RGS7: variants seen among roughly 807,000 people sequenced by gnomAD.
The protein encoded by RGS7 is regulator of G protein signaling 7, also known as regulator of G-protein signaling 7.
RGS7 carries 27 observed loss-of-function variants against 81.1 expected under a neutral mutation model. The ratio of observed to expected loss-of-function variants is 0.33; its 90% CI spans 0.25 to 0.46. The LOEUF is 0.46. Ranked by LOEUF, RGS7 falls within the 20% of genes least tolerant of loss-of-function variation. RGS7 has a pLI of 1.00. For missense variants in RGS7, 396 were observed against 607.4 expected (o/e 0.65, Z 3.66); for synonymous variants, 208 against 207.7 (o/e 1.00, Z -0.01).
intron 2 of RGS7, among the ~76,000 whole-genome samples, chr1:241,185,941 A>C (rs1490089174): frequency 1.3e-5 from 2 of 152,148 alleles, no homozygotes; most frequent in Non-Finnish European, 2.9e-5. Flanking sequence ...TAAACCCAAA[A>C]CAAACAGAAG....
chr1:241,274,633 ATTAAG>A (rs1025029828), intron 2 of RGS7, among the ~76,000 whole-genome samples: 3 of 152,250 alleles, frequency 2.0e-5, no homozygotes, highest in Admixed American at 2.0e-4. Flanking sequence ...AAACACACAA[ATTAAG>A]TTAAAACAAA....
chr1:240,840,271 T>TTTCTG lies in RGS7; in HGVS notation c.610-13100_610-13099insCAGAA, dbSNP rs1338051125. On this transcript the variant is annotated intron_variant, in intron 9 of 18. Coordinates refer to ENST00000440928, the MANE Select transcript of RGS7 (RefSeq NM_001364886.1). ...GCCATGCTCTACGAGGTGTTACACT[T>TTTCTG]TTCTTTTCTTTTTTTTTTTTGAGAT... Among the ~76,000 whole-genome samples, 137 of 151,728 alleles carry TTTCTG rather than the reference T, an allele frequency of 9.0e-4. No homozygotes were observed. The East Asian group carries it at 0.019, about 21-fold the overall frequency.
At chr1:240,948,951 A>G (rs1260482099) in intron 4 of RGS7, among the ~76,000 whole-genome samples, 2 of 151,958 alleles carry the variant, frequency 1.3e-5, no homozygotes, top group African/African-American at 2.4e-5. Flanking sequence ...CTCGTTCTTC[A>G]TTTGCTGGGA....
intron 6 of RGS7, among the ~76,000 whole-genome samples, chr1:240,884,872 A>C (rs746280571): frequency 6.6e-6 from 1 of 152,234 alleles, no homozygotes; most frequent in African/African-American, 2.4e-5. Context: ...AGACACCAAA[A>C]GCAACTGCAA....
intron 6 of RGS7, among the ~76,000 whole-genome samples, chr1:240,907,687 G>T (rs565258606): frequency 6.6e-6 from 1 of 152,162 alleles, no homozygotes; most frequent in African/African-American, 2.4e-5. Flanking sequence ...AACATCCCAC[G>T]TTGAGATAAC....
intron 6 of RGS7, among the ~76,000 whole-genome samples, chr1:240,875,579 T>C (rs1468599374): frequency 6.6e-6 from 1 of 152,170 alleles, no homozygotes; most frequent in Non-Finnish European, 1.5e-5. Flanking sequence ...CTATGGTAGT[T>C]CTAGGTTCAT....
At chr1:241,319,997 A>AG (rs2081117588) in intron 2 of RGS7, among the ~76,000 whole-genome samples, 1 of 152,148 alleles carries the variant, frequency 6.6e-6, no homozygotes, top group Non-Finnish European at 1.5e-5. Flanking sequence ...AGGCTGAGGC[A>AG]GGAGAATCAC....
chr1:240,970,910 C>T (rs1683106328), intron 4 of RGS7, among the ~76,000 whole-genome samples: 1 of 152,094 alleles, frequency 6.6e-6, no homozygotes, highest in African/African-American at 2.4e-5. Flanking sequence ...ACCCGGGGGG[C>T]AGAGGTTGCA....
At chr1:240,933,182 G>A (rs906460364) in intron 5 of RGS7, among the ~76,000 whole-genome samples, 4 of 151,586 alleles carry the variant, frequency 2.6e-5, no homozygotes, top group African/African-American at 4.8e-5. Context: ...GCGCCCGGCC[G>A]GTGTTACTTT....
Position 240,926,110 on chromosome 1 carries a change from A to C in RGS7, c.385+4607T>G, listed in dbSNP as rs1218745593. On this transcript the variant is annotated intron_variant, in intron 6 of 18. Transcript: ENST00000440928. Reference sequence around the variant, plus strand: ...CTGTTGATAGTTTCTTTTGCTGTGCAGAAACTCTTCAGTTTAATTAATTAG... The same window carrying C: ...CTGTTGATAGTTTCTTTTGCTGTGCCGAAACTCTTCAGTTTAATTAATTAG... Among the ~76,000 whole-genome samples, 6 of 152,320 alleles carry C rather than the reference A, an allele frequency of 3.9e-5. No individual in the cohort carries two copies. In the East Asian group the frequency reaches 1.2e-3, roughly 29 times the overall value.
chr1:240,907,506 T>C (rs1215440857), intron 6 of RGS7, among the ~76,000 whole-genome samples: 1 of 152,268 alleles, frequency 6.6e-6, no homozygotes, highest in Middle Eastern at 3.4e-3. Context: ...AAGTTAGATA[T>C]GTGTTTCCTT....
At chr1:241,103,855 C>G (rs561858735) in intron 2 of RGS7, among the ~76,000 whole-genome samples, 39 of 152,294 alleles carry the variant, frequency 2.6e-4, no homozygotes, top group Non-Finnish European at 5.1e-4. Context: ...GCTTGCGCTA[C>G]AGAATGAGAC....
chr1:241,345,099 C>T (rs2082804554), intron 2 of RGS7, among the ~76,000 whole-genome samples: 1 of 152,162 alleles, frequency 6.6e-6, no homozygotes, highest in Non-Finnish European at 1.5e-5. Flanking sequence ...ATGGAAGTAG[C>T]TGGAGGCCAT....
chr1:240,972,848 C>CAA (rs35291771), intron 4 of RGS7, among the ~76,000 whole-genome samples: 3,043 of 73,938 alleles, frequency 0.041, 123 homozygotes, highest in African/African-American at 0.11. Flanking sequence ...CCCCGCCTCT[C>CAA]AAAAAAAAAA....
intron 2 of RGS7, among the ~76,000 whole-genome samples, chr1:241,257,165 C>T (rs892443120): frequency 6.6e-6 from 1 of 152,038 alleles, no homozygotes; most frequent in African/African-American, 2.4e-5. Flanking sequence ...ACTTATTTCT[C>T]ATAGTCCTGG....
chr1:241,089,533 T>C (rs1363463720), intron 3 of RGS7, among the ~76,000 whole-genome samples: 2 of 151,946 alleles, frequency 1.3e-5, no homozygotes, highest in Non-Finnish European at 2.9e-5. Context: ...ATTTTAACCA[T>C]GAACACCCCA....
chr1:240,921,727 T>C (rs906813925), intron 6 of RGS7, among the ~76,000 whole-genome samples: 5 of 151,850 alleles, frequency 3.3e-5, no homozygotes, highest in African/African-American at 7.3e-5. Context: ...TTAATAAGAG[T>C]ACAAAATTCT....
intron 2 of RGS7, chr1:241,305,836 G>T: frequency 3.2e-6 from 1 of 309,586 alleles, no homozygotes; most frequent in South Asian, 2.7e-5. Flanking sequence ...TCACGTTCTT[G>T]GTCACCTTGT....
intron 10 of RGS7, among the ~76,000 whole-genome samples, chr1:240,817,599 TC>T (rs1175979263): frequency 1.3e-5 from 2 of 152,030 alleles, no homozygotes; most frequent in Non-Finnish European, 2.9e-5. Flanking sequence ...CCGCCCTCCG[TC>T]CTTTTTATTT....
Sources: gnomAD v4.1 joint callset for allele counts (sites outside exome capture counted in the v4.1 genomes callset) on GRCh38, gnomAD v4.1.1 for gene constraint, MANE v1.5 for transcripts, NCBI Gene and HGNC (gene_info 2026-07-23, HGNC 2026-07-21) for gene names.